PIEZO1: variants seen among roughly 807,000 people sequenced by gnomAD.
PIEZO1 encodes piezo type mechanosensitive ion channel component 1 (Er blood group).
Under a neutral mutation model 297.2 loss-of-function variants are expected in PIEZO1, and 296 were observed. That is an observed-to-expected ratio of 1.00 (90% CI 0.91 to 1.10). The LOEUF is 1.10. Ranked by LOEUF, PIEZO1 falls within the 50% of genes least tolerant of loss-of-function variation. The pLI is 0.00. For missense variants in PIEZO1, 5,018 were observed against 3,455.5 expected (o/e 1.45, Z -11.34); for synonymous variants, 2,427 against 1,507.5 (o/e 1.61, Z -14.13).
At chr16:88,775,722 C>T (rs1907627333) in intron 1 of PIEZO1, among the ~76,000 whole-genome samples, 1 of 100,292 alleles carries the variant, frequency 1.0e-5, no homozygotes. Context: ...GAATAAGACG[C>T]TGTCAAAAAA....
At chr16:88,717,649 T>C (rs1211382304) in intron 44 of PIEZO1, 1 of 451,738 alleles carries the variant, frequency 2.2e-6, no homozygotes, top group East Asian at 6.9e-5. Context: ...GTAAACCAGA[T>C]ATTACCAAAA....
At chr16:88,734,113 G>C in intron 16 of PIEZO1, 59 bp from the exon 17 acceptor site, 1 of 1,465,774 alleles carries the variant, frequency 6.8e-7, no homozygotes, top group South Asian at 1.4e-5. Flanking sequence ...CATTTCCTGG[G>C]GCTGGAAGAA....
At chr16:88,764,039 G>A (rs1597481785) in intron 1 of PIEZO1, among the ~76,000 whole-genome samples, 1 of 152,172 alleles carries the variant, frequency 6.6e-6, no homozygotes, top group Non-Finnish European at 1.5e-5. Context: ...ATGAGCCACA[G>A]TTAGCACCAG....
At chr16:88,775,719 A>T (rs1907627047) in intron 1 of PIEZO1, among the ~76,000 whole-genome samples, 1 of 126,016 alleles carries the variant, frequency 7.9e-6, no homozygotes. Flanking sequence ...GCAGAATAAG[A>T]CGCTGTCAAA....
At chr16:88,719,539 G>T in intron 44 of PIEZO1, 35 bp downstream of exon 44, 1 of 1,535,958 alleles carries the variant, frequency 6.5e-7, no homozygotes, top group Non-Finnish European at 8.8e-7. Flanking sequence ...CATATCCCTG[G>T]CCCTTGTCCC....
At chr16:88,718,658 CTAGGGG>C (rs1383169738) in intron 44 of PIEZO1, 2 of 152,262 alleles carry the variant, frequency 1.3e-5, no homozygotes, top group Non-Finnish European at 2.9e-5. Context: ...CAAGGGGTTA[CTAGGGG>C]CCAGGGGAGG....
chr16:88,719,046 C>G (rs1013772786), intron 44 of PIEZO1: 1 of 156,448 alleles, frequency 6.4e-6, no homozygotes, highest in African/African-American at 2.4e-5. Flanking sequence ...GGCAGGGTCT[C>G]GCTTGTGGCC....
In PIEZO1 at chr16:88,726,622, C is replaced by T; in HGVS notation, c.3721G>A (p.Glu1241Lys). 2 of 1,549,578 alleles carry T rather than the reference C, an allele frequency of 1.3e-6. No individual in the cohort carries two copies. The highest frequency in any genetic ancestry group is 1.7e-6 in the Non-Finnish European group (2 of 1,146,582). Residue 1241 changes from glutamate to lysine, a missense_variant, in exon 26 of 51, where the codon GAG (glutamate) becomes AAG (lysine). Glu to Lys is a moderately conservative substitution (Grantham distance 56). Coordinates refer to ENST00000301015, the MANE Select transcript of PIEZO1 (RefSeq NM_001142864.4). The stretch of plus-strand genomic sequence containing the variant: ...CAGCAGAAGCCGGTCTGCATCTGCT[C>T]CACGAAGACGCAGGCCAGGAGCTGG... ...MLSLLACVFV[E>K]QMQTGFCWVI... is the part of the protein sequence containing the mutation.
At chr16:88,779,959 G>C (rs1331861014) in intron 1 of PIEZO1, among the ~76,000 whole-genome samples, 1 of 152,224 alleles carries the variant, frequency 6.6e-6, no homozygotes, top group South Asian at 2.1e-4. Context: ...GAGATCCAAA[G>C]CCCGAGAGAC....
chr16:88,728,511 GAACCCACAGCCCCATCTGCCACA>G, intron 22 of PIEZO1, among the ~76,000 whole-genome samples: 1 of 133,954 alleles, frequency 7.5e-6, no homozygotes, highest in Non-Finnish European at 1.6e-5. Context: ...AGGACATGCT[GAACCCACAGCCCCATCTGCCACA>G]GAGGGAACCT....
intron 1 of PIEZO1, among the ~76,000 whole-genome samples, chr16:88,751,819 G>A (rs182050783): frequency 8.8e-4 from 134 of 152,302 alleles, no homozygotes; most frequent in African/African-American, 3.1e-3. Flanking sequence ...CAGAGAAGGT[G>A]GCACCTCCCC....
Position 88,731,959 on chromosome 16 carries a change from A to ATGCACTGAGTCTGGGGATGGGCGGGGCGT in PIEZO1, c.2992-50_2992-49insACGCCCCGCCCATCCCCAGACTCAGTGCA, listed in dbSNP as rs1482630762. 1.1e-3 allele frequency: 74 copies of ATGCACTGAGTCTGGGGATGGGCGGGGCGT among 64,654 alleles called. 3 individuals carry two copies. Among genetic ancestry groups the ATGCACTGAGTCTGGGGATGGGCGGGGCGT allele is most frequent in the Non-Finnish European group, 1.5e-3 (51 of 35,072 alleles). The allele number at this position is 64,654 out of a possible 1,614,324, so 4.0% of individuals were successfully genotyped here. On this transcript the variant is annotated intron_variant, in intron 21 of 50. Transcript: ENST00000301015. The stretch of plus-strand genomic sequence containing the variant: ...GTGGGGATGCACTGAGTCTGGGGGG[A>ATGCACTGAGTCTGGGGATGGGCGGGGCGT]GGGACTTTCTTGTCCCACCCAGCAG...
At chr16:88,742,141 G>A in intron 3 of PIEZO1, 46 bp from the exon 4 acceptor site, 1 of 1,533,074 alleles carries the variant, frequency 6.5e-7, no homozygotes. Context: ...TGCCCAGCCA[G>A]CACCGTGGCC....
rs955965165 is a variant in PIEZO1, at chr16:88,721,936, T to G, written c.5086A>C (p.Ile1696Leu). 64 of 1,550,120 alleles carry G rather than the reference T, an allele frequency of 4.1e-5. No individual in the cohort carries two copies. The highest frequency in any genetic ancestry group is 7.8e-5 in the Admixed American group (4 of 51,008). The change falls in exon 37 of 51, where the codon ATC (isoleucine) becomes CTC (leucine). Residue 1696 changes from isoleucine (I) to leucine (L), a missense_variant. By Grantham distance (5) the Ile-to-Leu change is conservative. Coordinates refer to ENST00000301015, the MANE Select transcript of PIEZO1 (RefSeq NM_001142864.4). ...GAGGCCGTGACCATGTGGTTGAGGA[T>G]GATGATGAAGTAGCAGAGCAGCTCC... ...HSELLCYFII[I>L]LNHMVTASAG...
At position 88,738,600 on chromosome 16, in the gene PIEZO1, C is replaced by G. The variant is rs1428275694; in HGVS notation, c.602G>C (p.Arg201Pro). 5.2e-6 allele frequency: 8 copies of G among 1,535,564 alleles called. No homozygotes were observed. In the South Asian group the frequency reaches 6.0e-5, roughly 11 times the overall value. The change falls in exon 6 of 51, where the codon CGG becomes CCG. Residue 201 changes from arginine to proline, a missense_variant. Coordinates refer to ENST00000301015, the MANE Select transcript of PIEZO1 (RefSeq NM_001142864.4). ...TAHWLLVAAGRVLAVTLLALA... is the reference protein window; with the variant it reads ...TAHWLLVAAGPVLAVTLLALA... The stretch of plus-strand genomic sequence containing the variant: ...TGCAAGCAGTGTTACGGCCAGGACC[C>G]GCCCAGCCGCCACCAGCAGCCAGTG...
At chr16:88,780,687 G>A (rs1280457215) in intron 1 of PIEZO1, among the ~76,000 whole-genome samples, 3 of 152,254 alleles carry the variant, frequency 2.0e-5, no homozygotes, top group African/African-American at 4.8e-5. Context: ...TCAGCCGGGC[G>A]CGGTGGCTCA....
chr16:88,784,462 G>T (rs1017929087), intron 1 of PIEZO1, among the ~76,000 whole-genome samples: 1 of 151,956 alleles, frequency 6.6e-6, no homozygotes, highest in Non-Finnish European at 1.5e-5. Context: ...CTCCCAGATT[G>T]TCAGGAAGTC....
Position 88,733,253 on chromosome 16 carries a change from C to T in PIEZO1, c.2664+25G>A, listed in dbSNP as rs1193779771. The T allele has an allele frequency of 6.5e-6, 10 of 1,529,420 alleles. No individual in the cohort carries two copies. In the Admixed American group the frequency reaches 7.9e-5, roughly 12 times the overall value. The allele number at this position is 1,529,420 out of a possible 1,614,324, so 94.7% of individuals were successfully genotyped here. Reference sequence around the variant, plus strand: ...TACAGAGTTGCCTGGAGCTTCCTCCCGTCCCAGCCCTCGGGGGCCGGTACC... The same window carrying T: ...TACAGAGTTGCCTGGAGCTTCCTCCTGTCCCAGCCCTCGGGGGCCGGTACC... On this transcript the variant is annotated intron_variant, in intron 19 of 50. Coordinates refer to ENST00000301015, the MANE Select transcript of PIEZO1 (RefSeq NM_001142864.4).
Position 88,735,198 on chromosome 16 carries a change from C to T in PIEZO1, c.1606G>A (p.Glu536Lys). ...GACTCTGCCCACTTCAGCAGCTTCT[C>T]TTTCACAAACTGGCGCAGCAGGAGC... ...FWLLLRQFVKEKLLKWAESPA... is the reference protein window; with the variant it reads ...FWLLLRQFVKKKLLKWAESPA... The change falls in exon 13 of 51, where the codon GAG becomes AAG. Residue 536 changes from glutamate (E) to lysine (K), a missense_variant. Physicochemically the swap from Glu to Lys is moderately conservative, Grantham distance 56. Coordinates refer to ENST00000301015, the MANE Select transcript of PIEZO1 (RefSeq NM_001142864.4). The T allele has an allele frequency of 6.4e-7, 1 of 1,550,438 alleles. No individual in the cohort carries two copies. The highest frequency in any genetic ancestry group is 8.7e-7 in the Non-Finnish European group (1 of 1,146,950).
Sources: allele counts gnomAD v4.1 joint callset (sites outside exome capture counted in the v4.1 genomes callset), GRCh38; gene constraint gnomAD v4.1.1; transcripts MANE v1.5; gene names NCBI Gene and HGNC (gene_info 2026-07-23, HGNC 2026-07-21).